NXF1: variants seen among roughly 807,000 people sequenced by gnomAD.
NXF1 encodes the protein mRNA export factor TAP.
NXF1 carries 43 observed loss-of-function variants against 92.4 expected under a neutral mutation model. That is an observed-to-expected ratio of 0.47 (90% CI 0.36 to 0.60). The LOEUF (loss-of-function observed/expected upper bound fraction) is 0.60, where lower values mean the gene tolerates loss of function less well. Among genes scored for constraint, NXF1 ranks in the 20% least tolerant of loss-of-function variants. NXF1 has a pLI of 0.00. For synonymous variants in NXF1, 288 were observed against 292.2 expected (o/e 0.99, Z 0.15); for missense variants, 576 against 793.0 (o/e 0.73, Z 3.29).
chr11:62,799,180 A>G (rs910676870), intron 10 of NXF1: 12 of 985,492 alleles, frequency 1.2e-5, no homozygotes, highest in Middle Eastern at 5.2e-4. Flanking sequence ...AAGCAAAGAA[A>G]AAGAGAAAGA....
Position 62,794,274 on chromosome 11 carries a change from G to C in NXF1, c.1744C>G (p.Leu582Val). Reference protein sequence around the residue: ...QAFSTQSGMNLEWSQKCLQDN... With the variant: ...QAFSTQSGMNVEWSQKCLQDN... ...CGCACTCACTTCTGGGACCACTCGA[G>C]GTTCATGCCAGACTGGGTAGAGAAT... The change falls in exon 19 of 21, where the codon CTC (leucine) becomes GTC (valine). Residue 582 changes from leucine (L) to valine (V), a missense_variant. Physicochemically the swap from Leu to Val is conservative, Grantham distance 32. Coordinates refer to ENST00000294172, the MANE Select transcript of NXF1 (RefSeq NM_006362.5). 6.2e-7 allele frequency: 1 copy of C among 1,613,752 alleles called. No individual in the cohort carries two copies. The highest frequency in any genetic ancestry group is 2.2e-5 in the East Asian group (1 of 44,882).
intron 17 of NXF1, 156 bp from the exon 18 acceptor site, chr11:62,795,163 G>A: frequency 1.5e-6 from 1 of 653,188 alleles, no homozygotes; most frequent in South Asian, 1.9e-5. Context: ...TGGGGTGAAG[G>A]GTCAGGTCAG....
At chr11:62,795,030 A>C (rs1301655443) in intron 17 of NXF1, 23 bp from the exon 18 acceptor site, 13 of 1,608,256 alleles carry the variant, frequency 8.1e-6, no homozygotes, top group Non-Finnish European at 1.1e-5. Flanking sequence ...CAGCAACAAC[A>C]CCTTAGGGTC....
In NXF1 at chr11:62,796,270, T is replaced by C. The variant is rs931405198; in HGVS notation, c.1345+17A>G. 1 of 1,614,094 alleles carries C rather than the reference T, an allele frequency of 6.2e-7. No individual in the cohort carries two copies. The highest frequency in any genetic ancestry group is 1.3e-5 in the African/African-American group (1 of 75,048). On this transcript the variant is annotated intron_variant, in intron 15 of 20. Coordinates refer to ENST00000294172, the MANE Select transcript of NXF1 (RefSeq NM_006362.5). ...CCCATGCCCTTTTCCCATATTTTGT[T>C]CGTATCACACACTTACTAGGGTCTT...
At chr11:62,798,760 A>G in intron 10 of NXF1, 185 bp from the exon 11 acceptor site, 1 of 1,417,566 alleles carries the variant, frequency 7.1e-7, no homozygotes. Flanking sequence ...GCACCCAGAC[A>G]TGGACTGCCT....
chr11:62,797,428 A>C, intron 11 of NXF1, 42 bp from the exon 12 acceptor site: 1 of 1,567,100 alleles, frequency 6.4e-7, no homozygotes, highest in South Asian at 1.1e-5. Flanking sequence ...GACTGGGCCC[A>C]GTGGCTCACA....
rs1252418144 is a variant in NXF1 at position 62,802,185 on chromosome 11, G to C, written c.445C>G (p.Pro149Ala). 3.7e-6 allele frequency: 6 copies of C among 1,613,970 alleles called. No homozygotes were observed. Among genetic ancestry groups the C allele is most frequent in the Non-Finnish European group, 5.1e-6 (6 of 1,179,924 alleles). ...IQSKCSVPFT[P>A]IEFHYENTRA... Reference sequence around the variant, plus strand: ...CTCAGGCCTTGTCTTACCTCAATAGGGGTGAAGGGCACACTGCACTTGCTC... The same window carrying C: ...CTCAGGCCTTGTCTTACCTCAATAGCGGTGAAGGGCACACTGCACTTGCTC... Residue 149 changes from proline (P) to alanine (A), a missense_variant, in exon 4 of 21, where the codon CCT (proline) becomes GCT (alanine). By Grantham distance (27) the Pro-to-Ala change is conservative. Around this residue, in one of 2 missense-constraint regions of NXF1, gnomAD observed 425 missense variants for 635.2 expected, o/e 0.67. Coordinates refer to ENST00000294172, the MANE Select transcript of NXF1 (RefSeq NM_006362.5).
At position 62,802,014 on chromosome 11, in the gene NXF1, G is replaced by A. The variant is rs374166859; in HGVS notation, c.486C>T (p.Phe162=). The A allele has an allele frequency of 1.2e-5, 20 of 1,614,086 alleles. No homozygotes were observed. The Admixed American group carries it at 1.7e-4, about 13-fold the overall frequency. ...CAGAGGCAGTACTGGCGTCTTCAACGAAGAACTGGGCCCGTGTATTCTCAT... is the reference window on the plus strand; with the variant it reads ...CAGAGGCAGTACTGGCGTCTTCAACAAAGAACTGGGCCCGTGTATTCTCAT... ...FHYENTRAQF[F]VEDASTASAL... Residue 162 remains phenylalanine, a synonymous_variant, in exon 5 of 21, where the codon TTC becomes TTT. Coordinates refer to ENST00000294172, the MANE Select transcript of NXF1 (RefSeq NM_006362.5).
chr11:62,804,394 A>G (rs2084512154), intron 1 of NXF1, among the ~76,000 whole-genome samples: 1 of 152,232 alleles, frequency 6.6e-6, no homozygotes, highest in African/African-American at 2.4e-5. Flanking sequence ...TCAAACTGCC[A>G]CTTTGAAGTT....
intron 10 of NXF1, chr11:62,799,768 G>T (rs1008203162): frequency 1.0e-6 from 1 of 985,866 alleles, no homozygotes; most frequent in Non-Finnish European, 1.2e-6. Context: ...GGGGAACCCA[G>T]GTTTCTTCTT....
At chr11:62,796,833 A>C in intron 13 of NXF1, 1 of 537,890 alleles carries the variant, frequency 1.9e-6, no homozygotes, top group Admixed American at 3.2e-5. Flanking sequence ...CTTTGGGAGG[A>C]AGAGGCAGGT....
In NXF1 at chr11:62,801,970, T is replaced by C. The variant is rs1258402207; in HGVS notation, c.530A>G (p.Tyr177Cys). 1.2e-6 allele frequency: 2 copies of C among 1,614,116 alleles called. No individual in the cohort carries two copies. The highest frequency in any genetic ancestry group is 1.7e-6 in the Non-Finnish European group (2 of 1,180,036). The stretch of plus-strand genomic sequence containing the variant: ...TCGGTTCTCCCGATCCAAAATCTTA[T>C]AGTTGACAGCCTTCAATGCAGAGGC... Reference protein sequence around the residue: ...STASALKAVNYKILDRENRRI... With the variant: ...STASALKAVNCKILDRENRRI... The change falls in exon 5 of 21, where the codon TAT becomes TGT. Residue 177 changes from tyrosine to cysteine, a missense_variant. Physicochemically the swap from Tyr to Cys is radical, Grantham distance 194 (BLOSUM62 -2). Transcript: ENST00000294172.
intron 1 of NXF1, among the ~76,000 whole-genome samples, chr11:62,804,687 A>C (rs1416772547): frequency 6.6e-6 from 1 of 152,218 alleles, no homozygotes; most frequent in East Asian, 1.9e-4. Context: ...GCTAACATTC[A>C]CTGAGAACTT....
At chr11:62,794,195 C>A in intron 19 of NXF1, 63 bp downstream of exon 19, 1 of 1,482,986 alleles carries the variant, frequency 6.7e-7, no homozygotes, top group African/African-American at 1.4e-5. Context: ...TGTCAGGAGC[C>A]CTCATTATTT....
Position 62,797,226 on chromosome 11 carries a change from C to T in NXF1, c.1135G>A (p.Gly379Arg). Reference sequence around the variant, plus strand: ...ACCAGACTCTTCAAGTTTTCTGTTCCAAAATAGCTTCCCTGAAATCAAACA... The same window carrying T: ...ACCAGACTCTTCAAGTTTTCTGTTCTAAAATAGCTTCCCTGAAATCAAACA... ...TLPPCKGSYF[G>R]TENLKSLVLH... Residue 379 changes from glycine to arginine, a missense_variant, in exon 13 of 21, where the codon GGA becomes AGA. Around this residue, in one of 2 missense-constraint regions of NXF1, gnomAD observed 425 missense variants for 635.2 expected, o/e 0.67. Transcript: ENST00000294172. 1 of 1,614,192 alleles carries T rather than the reference C, an allele frequency of 6.2e-7. No individual in the cohort carries two copies. The highest frequency in any genetic ancestry group is 8.5e-7 in the Non-Finnish European group (1 of 1,180,034).
In NXF1 at chr11:62,801,779, A is replaced by T. The variant is rs1247791376; in HGVS notation, c.599T>A (p.Ile200Lys). Residue 200 changes from isoleucine to lysine, a missense_variant, in exon 6 of 21, where the codon ATA (isoleucine) becomes AAA (lysine). Around this residue, in one of 2 missense-constraint regions of NXF1, gnomAD observed 425 missense variants for 635.2 expected, o/e 0.67. Transcript: ENST00000294172. ...TTGTTCTGGCTTCAGTTCATTCAGTATAGTGTGGGGTGGAGCAGAAGAGTT... is the reference window on the plus strand; with the variant it reads ...TTGTTCTGGCTTCAGTTCATTCAGTTTAGTGTGGGGTGGAGCAGAAGAGTT... The part of the protein sequence containing the change: ...IINSSAPPHT[I>K]LNELKPEQVE... 1 of 1,613,836 alleles carries T rather than the reference A, an allele frequency of 6.2e-7. No individual in the cohort carries two copies. The highest frequency in any genetic ancestry group is 1.3e-5 in the African/African-American group (1 of 74,886).
In NXF1 at chr11:62,803,323, T is replaced by A. The variant is rs116085107; in HGVS notation, c.369+96A>T. On this transcript the variant is annotated intron_variant, in intron 3 of 20. Coordinates refer to ENST00000294172, the MANE Select transcript of NXF1 (RefSeq NM_006362.5). ...AGAGCAAGACTCCATTTAAAAAAAA[T>A]AATAATAATAATTTTTGTGGAATAA... is the stretch of plus-strand genomic sequence containing the variant. 5.7e-3 allele frequency: 6,045 copies of A among 1,055,856 alleles called. 33 individuals carry two copies. Among genetic ancestry groups the A allele is most frequent in the African/African-American group, 0.021 (1,296 of 61,920 alleles). 65.4% of individuals were successfully genotyped at this position (1,055,856 alleles called of 1,614,324 possible).
intron 10 of NXF1, chr11:62,800,133 G>A (rs1246831495): frequency 2.9e-6 from 4 of 1,364,988 alleles, no homozygotes; most frequent in Non-Finnish European, 3.8e-6. Context: ...TTGTGTTCAG[G>A]AAGAAAGAGA....
At position 62,794,302 on chromosome 11, in the gene NXF1, T is replaced by C. The variant is rs1020724367; in HGVS notation, c.1716A>G (p.Gln572=). The C allele has an allele frequency of 6.2e-7, 1 of 1,614,190 alleles. No homozygotes were observed. Among genetic ancestry groups the C allele is most frequent in the Non-Finnish European group, 8.5e-7 (1 of 1,180,014 alleles). The change falls in exon 19 of 21, where the codon CAA becomes CAG. Residue 572 remains glutamine, a synonymous_variant. Coordinates refer to ENST00000294172, the MANE Select transcript of NXF1 (RefSeq NM_006362.5). ...TCATGCCAGACTGGGTAGAGAATGC[T>C]TGCAACATTTCCTGCTGCTCTGGAG... ...TLSPEQQEML[Q]AFSTQSGMNL...
Sources: gnomAD v4.1 joint callset for allele counts (sites outside exome capture counted in the v4.1 genomes callset) on GRCh38, gnomAD v4.1.1 for gene constraint, gnomAD v4.1.1 regional missense constraint, MANE v1.5 for transcripts, NCBI Gene and HGNC (gene_info 2026-07-23, HGNC 2026-07-21) for gene names.